The following ZMYM5 variants were observed in gnomAD, a reference collection of about 807,000 sequenced individuals.
ZMYM5 encodes zinc finger MYM-type containing 5.
In ZMYM5, 41 loss-of-function variants were observed where a neutral mutation model predicts 61.8. That is an observed-to-expected ratio of 0.66 (90% CI 0.52 to 0.86). The LOEUF (loss-of-function observed/expected upper bound fraction) is 0.86. ZMYM5 is among the 40% of genes least tolerant of loss of function. ZMYM5 has a pLI of 0.00. For synonymous variants in ZMYM5, 257 were observed against 276.4 expected (o/e 0.93, Z 0.70); for missense variants, 706 against 786.7 (o/e 0.90, Z 1.23).
chr13:19,835,473 T>C lies in ZMYM5; in HGVS notation c.1251+4A>G. ...ATCATTTAAAGCTCATGAAAAAGAA[T>C]TACCTGTTTATATTCGTTAATACAA... On this transcript the variant is annotated splice_donor_region_variant and intron_variant, in intron 7 of 7. Transcript: ENST00000337963. 7.3e-7 allele frequency: 1 copy of C among 1,365,208 alleles called. No individual in the cohort carries two copies. The highest frequency in any genetic ancestry group is 9.8e-7 in the Non-Finnish European group (1 of 1,020,166). The allele number at this position is 1,365,208 out of a possible 1,614,324, so 84.6% of individuals were successfully genotyped here.
At chr13:19,833,194 C>T (rs1480157674) in intron 7 of ZMYM5, among the ~76,000 whole-genome samples, 2 of 152,094 alleles carry the variant, frequency 1.3e-5, no homozygotes, top group Non-Finnish European at 2.9e-5. Flanking sequence ...TTCTCCTGTT[C>T]GATAAAAGCC....
In ZMYM5 at chr13:19,825,247, G is replaced by A. The variant is rs777156360; in HGVS notation, c.1252-12C>T. Reference sequence around the variant, plus strand: ...TTTGTTTCCATCATCTGAGGACAAAGAGGATTATAATTTTATTTTAGGTTA... The same window carrying A: ...TTTGTTTCCATCATCTGAGGACAAAAAGGATTATAATTTTATTTTAGGTTA... On this transcript the variant is annotated splice_polypyrimidine_tract_variant and intron_variant, in intron 7 of 7. Transcript: ENST00000337963. The A allele has an allele frequency of 7.3e-5, 90 of 1,238,832 alleles. No homozygotes were observed. Among genetic ancestry groups the A allele is most frequent in the Non-Finnish European group, 9.2e-5 (89 of 966,372 alleles). 76.7% of individuals were successfully genotyped at this position (1,238,832 alleles called of 1,614,324 possible).
At chr13:19,837,419 G>C in intron 6 of ZMYM5, 1 of 1,514,276 alleles carries the variant, frequency 6.6e-7, no homozygotes. Context: ...CAATTGCCTT[G>C]TTTATGAGCA....
At chr13:19,828,203 G>C (rs1342672868) in intron 7 of ZMYM5, among the ~76,000 whole-genome samples, 1 of 152,118 alleles carries the variant, frequency 6.6e-6, no homozygotes, top group Non-Finnish European at 1.5e-5. Flanking sequence ...GCCAGGTGCG[G>C]TGGCTCACGC....
At chr13:19,862,223 C>T (rs898365019) in intron 2 of ZMYM5, among the ~76,000 whole-genome samples, 176 bp downstream of exon 2, 1 of 152,034 alleles carries the variant, frequency 6.6e-6, no homozygotes. Context: ...CAGCACTCCC[C>T]GTGCCTTCCC....
At chr13:19,860,101 CAAAAAAAAAAAA>C (rs537760988) in intron 2 of ZMYM5, among the ~76,000 whole-genome samples, 5 of 31,324 alleles carry the variant, frequency 1.6e-4, no homozygotes, top group South Asian at 1.1e-3. Context: ...AAGACTGTCT[CAAAAAAAAAAAA>C]AAAAAAAAAA....
At chr13:19,841,310 T>C (rs1244043324) in intron 4 of ZMYM5, among the ~76,000 whole-genome samples, 2 of 152,170 alleles carry the variant, frequency 1.3e-5, no homozygotes, top group Admixed American at 6.5e-5. Context: ...TGGATGATGT[T>C]AGCATTTTAA....
At chr13:19,837,024 G>GTTTTTTTTTTTTTTTTT in intron 6 of ZMYM5, among the ~76,000 whole-genome samples, 1 of 143,892 alleles carries the variant, frequency 6.9e-6, no homozygotes, top group Non-Finnish European at 1.5e-5. Context: ...GTTGTTTTTT[G>GTTTTTTTTTTTTTTTTT]TTTTTTTTTT....
intron 4 of ZMYM5, 103 bp from the exon 5 acceptor site, chr13:19,839,088 C>T (rs779647974): frequency 5.1e-5 from 72 of 1,409,204 alleles, no homozygotes; most frequent in African/African-American, 1.4e-4. Flanking sequence ...GTGGGGCAGG[C>T]GTATAAACAT....
chr13:19,838,900 A>T lies in ZMYM5; in HGVS notation c.672T>A (p.Arg224=). The change falls in exon 5 of 8, where the codon CGT becomes CGA. Residue 224 remains arginine, a synonymous_variant. Coordinates refer to ENST00000337963, the MANE Select transcript of ZMYM5 (RefSeq NM_001142684.2). ...VDSLSPVALL[R]KQNFQPTAQQ... ...GGGCTGTAGGCTGGAAATTCTGCTT[A>T]CGAAGTAAGGCCACTGGTGATAAAG... is the stretch of plus-strand genomic sequence containing the variant. 6.2e-7 allele frequency: 1 copy of T among 1,614,184 alleles called. No individual in the cohort carries two copies. The highest frequency in any genetic ancestry group is 8.5e-7 in the Non-Finnish European group (1 of 1,180,038).
At chr13:19,847,315 G>GT (rs911520357) in intron 4 of ZMYM5, among the ~76,000 whole-genome samples, 2 of 152,130 alleles carry the variant, frequency 1.3e-5, no homozygotes, top group Non-Finnish European at 2.9e-5. Flanking sequence ...TAATTGTCAA[G>GT]TTTTGGTGCT....
rs748200567 is a variant in ZMYM5 at position 19,837,810 on chromosome 13, G to A, written c.884C>T (p.Thr295Ile). 6 of 1,587,894 alleles carry A rather than the reference G, an allele frequency of 3.8e-6. No individual in the cohort carries two copies. In the East Asian group the frequency reaches 1.1e-4, roughly 30 times the overall value. The change falls in exon 6 of 8, where the codon ACA becomes ATA. Residue 295 changes from threonine (T) to isoleucine (I), a missense_variant. Thr to Ile is a moderately conservative substitution (Grantham distance 89, BLOSUM62 -1). Coordinates refer to ENST00000337963, the MANE Select transcript of ZMYM5 (RefSeq NM_001142684.2). ...TGGAAGAATGACATTAGCCTTCTTTGTAGATGCATCTCTGAAACAGAAGGG... is the reference window on the plus strand; with the variant it reads ...TGGAAGAATGACATTAGCCTTCTTTATAGATGCATCTCTGAAACAGAAGGG... ...RSIICKKDAS[T>I]KKANVILPVE...
intron 7 of ZMYM5, among the ~76,000 whole-genome samples, chr13:19,826,582 C>T (rs1890928355): frequency 1.3e-5 from 2 of 151,392 alleles, no homozygotes; most frequent in African/African-American, 4.9e-5. Context: ...TGGTGAAAAC[C>T]TGATTCTACT....
Position 19,839,604 on chromosome 13 carries a change from G to A in ZMYM5, c.587-619C>T, listed in dbSNP as rs537776199. Among the ~76,000 whole-genome samples, 72 of 151,924 alleles carry A rather than the reference G, an allele frequency of 4.7e-4. 1 individual carries two copies. Among genetic ancestry groups the A allele is most frequent in the African/African-American group, 1.5e-3 (63 of 41,434 alleles). ...TTGGCCAGGCTGGTCACGGACTCCT[G>A]GCCTCAAGTAATCCACCTGCCTCAG... On this transcript the variant is annotated intron_variant, in intron 4 of 7. Coordinates refer to ENST00000337963, the MANE Select transcript of ZMYM5 (RefSeq NM_001142684.2).
chr13:19,831,860 C>T (rs1207385397), intron 7 of ZMYM5, among the ~76,000 whole-genome samples: 1 of 130,024 alleles, frequency 7.7e-6, no homozygotes, highest in African/African-American at 2.8e-5. Flanking sequence ...ATGCATATTT[C>T]TTCTTTTGTT....
In ZMYM5 at chr13:19,825,139, T is replaced by C. The variant is rs770890300; in HGVS notation, c.1348A>G (p.Asn450Asp). Residue 450 changes from asparagine to aspartate, a missense_variant, in exon 8 of 8, where the codon AAT becomes GAT. Asn to Asp is a conservative substitution (Grantham distance 23). This residue lies in a region of ZMYM5 where 226 missense variants were observed against 325.0 expected (regional missense o/e 0.70). Transcript: ENST00000337963. ...CCCTCTATTTTTTTCAAAAGTGTAT[T>C]TGACGATCCATATAATTGTTTCTCA... ...ENEKQLYGSS[N>D]TLLKKIEGIP... is the part of the protein sequence containing the mutation. The C allele has an allele frequency of 7.4e-7, 1 of 1,351,016 alleles. No homozygotes were observed. Among genetic ancestry groups the C allele is most frequent in the Non-Finnish European group, 9.9e-7 (1 of 1,013,424 alleles). The allele number at this position is 1,351,016 out of a possible 1,614,324, so 83.7% of individuals were successfully genotyped here. A position where few individuals can be genotyped will look rare whatever the true frequency, so the allele number is the denominator to read the frequency against.
intron 2 of ZMYM5, among the ~76,000 whole-genome samples, chr13:19,854,018 C>T (rs752436400): frequency 6.6e-6 from 1 of 152,048 alleles, no homozygotes; most frequent in African/African-American, 2.4e-5. Context: ...TTGAAACATG[C>T]TTTTTTATTG....
intron 2 of ZMYM5, among the ~76,000 whole-genome samples, chr13:19,857,855 A>G (rs2138651562): frequency 6.6e-6 from 1 of 151,724 alleles, no homozygotes; most frequent in East Asian, 2.0e-4. Flanking sequence ...CCTCTCTACA[A>G]AAATTTAAAA....
chr13:19,841,522 T>C (rs965815662), intron 4 of ZMYM5, among the ~76,000 whole-genome samples: 18 of 151,214 alleles, frequency 1.2e-4, no homozygotes, highest in African/African-American at 4.1e-4. Context: ...TCTGATACTT[T>C]ATACATTTTG....
Sources: allele counts gnomAD v4.1 joint callset (sites outside exome capture counted in the v4.1 genomes callset), GRCh38; gene constraint gnomAD v4.1.1; regional missense constraint gnomAD v4.1.1; transcripts MANE v1.5; gene names NCBI Gene and HGNC (gene_info 2026-07-23, HGNC 2026-07-21).